Variants in KCNK9 observed in about 807,000 individuals in gnomAD.
The protein encoded by KCNK9 is potassium two pore domain channel subfamily K member 9.
A neutral mutation model predicts 10.8 loss-of-function variants in KCNK9; 1 was observed. That is an observed-to-expected ratio of 0.09 (90% CI 0.03 to 0.44). The LOEUF is 0.44. Ranked by LOEUF, KCNK9 falls within the 20% of genes least tolerant of loss-of-function variation. The probability of loss-of-function intolerance (pLI) is 0.97; values close to 1 mark genes in which losing one functional copy is unlikely to be tolerated. For synonymous variants in KCNK9, 231 were observed against 222.7 expected (o/e 1.04, Z -0.33); for missense variants, 303 against 515.0 (o/e 0.59, Z 3.98).
chr8:139,654,660 T>G (rs1266647220), intron 1 of KCNK9, among the ~76,000 whole-genome samples: 1 of 152,224 alleles, frequency 6.6e-6, no homozygotes, highest in Non-Finnish European at 1.5e-5. Context: ...CAGTTCCCTG[T>G]GCTAATCCTT....
chr8:139,609,730 CAT>C (rs1297550189), downstream of KCNK9, among the ~76,000 whole-genome samples: 2 of 152,240 alleles, frequency 1.3e-5, no homozygotes, highest in East Asian at 1.9e-4. Flanking sequence ...ATTAAGGATC[CAT>C]ATGTCATTAA....
intron 1 of KCNK9, among the ~76,000 whole-genome samples, chr8:139,681,374 AC>A (rs1816684421): frequency 6.6e-6 from 1 of 152,246 alleles, no homozygotes; most frequent in African/African-American, 2.4e-5. Flanking sequence ...AGACGGAGTA[AC>A]CTGGGTCAAG....
chr8:139,602,321 GGATTGATCA>G (rs1563707091), intron 2 of KCNK9, among the ~76,000 whole-genome samples: 2 of 152,312 alleles, frequency 1.3e-5, no homozygotes, highest in South Asian at 4.1e-4. Context: ...CGGGGAAAAC[GGATTGATCA>G]GATTTGCTCA....
chr8:139,636,614 G>A (rs372190580), intron 1 of KCNK9, among the ~76,000 whole-genome samples: 27 of 152,182 alleles, frequency 1.8e-4, no homozygotes, highest in African/African-American at 5.3e-4. Flanking sequence ...AGGGCAGAGC[G>A]AGGACCCCCA....
intron 1 of KCNK9, among the ~76,000 whole-genome samples, chr8:139,642,598 A>G (rs867957141): frequency 6.6e-6 from 1 of 152,106 alleles, no homozygotes; most frequent in Non-Finnish European, 1.5e-5. Context: ...CTCCTCCCAC[A>G]CCTGGCCGGG....
intron 1 of KCNK9, among the ~76,000 whole-genome samples, chr8:139,680,273 C>T (rs1219903201): frequency 6.6e-6 from 1 of 152,194 alleles, no homozygotes; most frequent in Non-Finnish European, 1.5e-5. Context: ...AGGGGGCAGG[C>T]GGGGCCCAGC....
chr8:139,648,414 G>A (rs902984868), intron 1 of KCNK9, among the ~76,000 whole-genome samples: 1 of 152,220 alleles, frequency 6.6e-6, no homozygotes, highest in African/African-American at 2.4e-5. Flanking sequence ...AGTTAATTTT[G>A]TAAAGCGTAT....
intron 1 of KCNK9, among the ~76,000 whole-genome samples, chr8:139,685,530 A>G (rs7838946): frequency 0.75 from 114,001 of 152,092 alleles, 43,113 homozygotes; most frequent in African/African-American, 0.79. Flanking sequence ...AGAACATGCG[A>G]TGTTTGGTTT....
At chr8:139,627,228 C>T (rs1329702541) in intron 1 of KCNK9, among the ~76,000 whole-genome samples, 2 of 152,208 alleles carry the variant, frequency 1.3e-5, no homozygotes, top group Admixed American at 6.5e-5. Context: ...CTTTTCCCAA[C>T]TCATTCTCTC....
chr8:139,613,104 G>A (rs970439502), downstream of KCNK9, among the ~76,000 whole-genome samples: 3 of 152,248 alleles, frequency 2.0e-5, no homozygotes, highest in Admixed American at 6.5e-5. Context: ...CAATGGCACC[G>A]TTAGGTAGGA....
At position 139,618,165 on chromosome 8, in the gene KCNK9, A is replaced by T; in HGVS notation, c.*93T>A. 6.8e-7 allele frequency: 1 copy of T among 1,468,994 alleles called. No individual in the cohort carries two copies. The highest frequency in any genetic ancestry group is 9.4e-7 in the Non-Finnish European group (1 of 1,061,912). The allele number at this position is 1,468,994 out of a possible 1,614,324, so 91.0% of individuals were successfully genotyped here. On this transcript the variant is annotated 3_prime_UTR_variant, in exon 2 of 2. Coordinates refer to ENST00000520439, the MANE Select transcript of KCNK9 (RefSeq NM_001282534.2). The surrounding 1 kb of genome is among the most constrained non-coding windows in gnomAD (Gnocchi z 7.9). ...AGAAAGTAATAATGATGACAATAATAATAATAAATAAATAAGAAAAGACGA... is the reference window on the plus strand; with the variant it reads ...AGAAAGTAATAATGATGACAATAATTATAATAAATAAATAAGAAAAGACGA...
At chr8:139,690,425 C>A (rs1221101921) in intron 1 of KCNK9, among the ~76,000 whole-genome samples, 1 of 152,216 alleles carries the variant, frequency 6.6e-6, no homozygotes. Flanking sequence ...TCACACTTAT[C>A]CTGGGGAGCT....
At chr8:139,656,981 C>T (rs568936348) in intron 1 of KCNK9, among the ~76,000 whole-genome samples, 52 of 152,330 alleles carry the variant, frequency 3.4e-4, no homozygotes, top group African/African-American at 1.1e-3. Context: ...CCCTTGGCCT[C>T]AGTACCCATT....
rs1416743247 is a variant in KCNK9 at position 139,702,781 on chromosome 8, G to T, written c.212C>A (p.Pro71Gln). Residue 71 changes from proline (P) to glutamine (Q), a missense_variant, in exon 1 of 2, where the codon CCG becomes CAG. By Grantham distance (76) the Pro-to-Gln change is moderately conservative. Coordinates refer to ENST00000520439, the MANE Select transcript of KCNK9 (RefSeq NM_001282534.2). The surrounding 1 kb of genome is among the most constrained non-coding windows in gnomAD (Gnocchi z 7.5). ...TTTCCACTGGACGCCGGCGCGGTGC[G>T]GTTCCGACTGCAGGATCACCAGCTC... The part of the protein sequence containing the change: ...QLELVILQSE[P>Q]HRAGVQWKFA... 1.2e-6 allele frequency: 2 copies of T among 1,613,766 alleles called. No homozygotes were observed. The highest frequency in any genetic ancestry group is 8.5e-7 in the Non-Finnish European group (1 of 1,179,922).
chr8:139,616,485 G>T (rs1371379585), downstream of KCNK9: 1 of 152,184 alleles, frequency 6.6e-6, no homozygotes, highest in Non-Finnish European at 1.5e-5. Flanking sequence ...TTTCAACATG[G>T]GATGTAGCAT....
intron 1 of KCNK9, among the ~76,000 whole-genome samples, chr8:139,640,039 C>T (rs558352020): frequency 2.6e-5 from 4 of 152,168 alleles, no homozygotes; most frequent in African/African-American, 4.8e-5. Context: ...GCAGCCCTGG[C>T]GAGCCAATAC....
chr8:139,652,948 G>A (rs935172792), intron 1 of KCNK9, among the ~76,000 whole-genome samples: 9 of 152,142 alleles, frequency 5.9e-5, no homozygotes, highest in Non-Finnish European at 1.3e-4. Context: ...CACCATCTTC[G>A]GGGCAGGGGC....
rs566053485 is a variant in KCNK9 at position 139,603,608 on chromosome 8, AC to A, written c.*1-2008del. Among the ~76,000 whole-genome samples, 5 of 152,342 alleles carry A rather than the reference AC, an allele frequency of 3.3e-5. No individual in the cohort carries two copies. The East Asian group carries it at 9.6e-4, about 29-fold the overall frequency. The stretch of plus-strand genomic sequence containing the variant: ...GGAAGACCAAGAGCAAACAGGGTAT[AC>A]GGCCAGGACTGTCCACCTTGCTCTC... On this transcript the variant is annotated intron_variant, in intron 2 of 2. Transcript: ENST00000650269.
chr8:139,696,397 T>C (rs1332648301), intron 1 of KCNK9, among the ~76,000 whole-genome samples: 1 of 152,166 alleles, frequency 6.6e-6, no homozygotes, highest in Non-Finnish European at 1.5e-5. Flanking sequence ...TGCTTAAAAA[T>C]CAGAAGTGAT....
Sources: gnomAD v4.1 joint callset for allele counts (sites outside exome capture counted in the v4.1 genomes callset) on GRCh38, gnomAD v4.1.1 for gene constraint, Gnocchi (gnomAD v3.1) non-coding constraint, MANE v1.5 for transcripts, NCBI Gene and HGNC (gene_info 2026-07-23, HGNC 2026-07-21) for gene names.